THSD7B: variants seen among roughly 807,000 people sequenced by gnomAD.
THSD7B encodes thrombospondin type-1 domain-containing protein 7B.
THSD7B carries 138 observed loss-of-function variants against 213.6 expected under a neutral mutation model. The ratio of observed to expected loss-of-function variants is 0.65; its 90% CI spans 0.56 to 0.74. THSD7B has a LOEUF of 0.74. THSD7B is among the 30% of genes least tolerant of loss of function. The probability of loss-of-function intolerance (pLI) is 0.00; values close to 1 mark genes in which losing one functional copy is unlikely to be tolerated. For synonymous variants in THSD7B, 742 were observed against 687.0 expected (o/e 1.08, Z -1.25); for missense variants, 1,931 against 1,991.5 (o/e 0.97, Z 0.58).
At chr2:136,786,999 T>G (rs1308160864) in intron 1 of THSD7B, among the ~76,000 whole-genome samples, 1 of 152,156 alleles carries the variant, frequency 6.6e-6, no homozygotes, top group African/African-American at 2.4e-5. Context: ...GAGTGAGGCA[T>G]ATGTTGGTGG....
intron 12 of THSD7B, among the ~76,000 whole-genome samples, chr2:137,358,768 C>G (rs1018140823): frequency 6.6e-6 from 1 of 152,148 alleles, no homozygotes; most frequent in African/African-American, 2.4e-5. Context: ...CACAGTATCT[C>G]ACATTTAGAA....
chr2:136,824,142 GT>G (rs1682605743), intron 1 of THSD7B, among the ~76,000 whole-genome samples: 2 of 152,128 alleles, frequency 1.3e-5, no homozygotes, highest in African/African-American at 4.8e-5. Context: ...AGTACATAGT[GT>G]AGCCAAGATT....
chr2:136,921,730 A>G (rs1684441885), intron 2 of THSD7B, among the ~76,000 whole-genome samples: 1 of 152,260 alleles, frequency 6.6e-6, no homozygotes, highest in South Asian at 2.1e-4. Context: ...GGTAGAATTC[A>G]TAAAGGCCCT....
rs189563269 is a variant in THSD7B, at chr2:137,117,503, T to C, written c.1369+2210T>C. Among the ~76,000 whole-genome samples, 9 of 152,308 alleles carry C rather than the reference T, an allele frequency of 5.9e-5. 1 individual carries two copies. The East Asian group carries it at 1.7e-3, about 29-fold the overall frequency. ...GTTGTTATGTTAGATATTCATACTT[T>C]GGAGGGAGAAAGCATTTTAGTAGTA... On this transcript the variant is annotated intron_variant, in intron 5 of 27. Transcript: ENST00000409968.
chr2:137,361,991 A>G (rs898839830), intron 12 of THSD7B, among the ~76,000 whole-genome samples: 13 of 152,138 alleles, frequency 8.5e-5, no homozygotes, highest in African/African-American at 2.4e-5. Context: ...GACAAAGGTC[A>G]GGTTACCCAC....
At chr2:137,664,485 T>C (rs1683410824) in intron 26 of THSD7B, among the ~76,000 whole-genome samples, 1 of 152,158 alleles carries the variant, frequency 6.6e-6, no homozygotes, top group Non-Finnish European at 1.5e-5. Context: ...ATTAGGCCTG[T>C]AGGGCTCAGT....
intron 7 of THSD7B, among the ~76,000 whole-genome samples, chr2:137,219,160 A>T (rs149871234): frequency 6.6e-6 from 1 of 152,236 alleles, no homozygotes; most frequent in African/African-American, 2.4e-5. Flanking sequence ...AAAACTAGTC[A>T]TTAGACCCCT....
chr2:137,309,752 G>A (rs942552028), intron 12 of THSD7B, among the ~76,000 whole-genome samples: 18 of 151,910 alleles, frequency 1.2e-4, no homozygotes, highest in East Asian at 9.7e-4. Context: ...GAGAATGTGC[G>A]GTGTTTGGTT....
intron 3 of THSD7B, among the ~76,000 whole-genome samples, chr2:137,083,565 T>G (rs1427598617): frequency 6.6e-6 from 1 of 152,120 alleles, no homozygotes; most frequent in African/African-American, 2.4e-5. Context: ...TATGTTTCTA[T>G]TAGTTTGCCT....
intron 21 of THSD7B, among the ~76,000 whole-genome samples, chr2:137,649,072 T>A (rs1380131941): frequency 1.3e-5 from 2 of 152,244 alleles, no homozygotes; most frequent in African/African-American, 4.8e-5. Context: ...TGTCTTCTTT[T>A]GAGAAATGTC....
At chr2:137,131,749 T>TGGTAC (rs1411613123) in intron 5 of THSD7B, among the ~76,000 whole-genome samples, 5 of 152,220 alleles carry the variant, frequency 3.3e-5, no homozygotes, top group African/African-American at 1.2e-4. Flanking sequence ...ATCTCTGTTT[T>TGGTAC]GGTACCAGTA....
intron 12 of THSD7B, among the ~76,000 whole-genome samples, chr2:137,391,545 G>T (rs148071501): frequency 1.3e-5 from 2 of 151,904 alleles, no homozygotes; most frequent in African/African-American, 2.4e-5. Context: ...AAAATTAGCC[G>T]GGCATGGTAG....
intron 7 of THSD7B, among the ~76,000 whole-genome samples, chr2:137,208,797 G>C (rs1681040173): frequency 6.6e-6 from 1 of 151,960 alleles, no homozygotes; most frequent in Non-Finnish European, 1.5e-5. Context: ...CATGGGGCTG[G>C]GTAGAGTCAG....
intron 20 of THSD7B, among the ~76,000 whole-genome samples, chr2:137,626,949 C>T (rs370696828): frequency 3.3e-4 from 50 of 152,262 alleles, no homozygotes; most frequent in African/African-American, 1.1e-3. Flanking sequence ...AACAGAATAC[C>T]TAAGACTGTG....
intron 3 of THSD7B, among the ~76,000 whole-genome samples, chr2:137,071,182 G>A (rs2104891673): frequency 6.6e-6 from 1 of 152,320 alleles, no homozygotes; most frequent in South Asian, 2.1e-4. Context: ...CCCAGCAACA[G>A]TGTAAAAGTA....
intron 2 of THSD7B, among the ~76,000 whole-genome samples, chr2:137,054,651 A>G (rs1687126701): frequency 6.6e-6 from 1 of 152,176 alleles, no homozygotes; most frequent in East Asian, 1.9e-4. Context: ...AGCTGGTCAG[A>G]TTCAGGGAAA....
At chr2:137,008,536 A>C (rs536197570) in intron 2 of THSD7B, among the ~76,000 whole-genome samples, 7 of 152,280 alleles carry the variant, frequency 4.6e-5, no homozygotes, top group African/African-American at 1.7e-4. Flanking sequence ...AACCAGGTAG[A>C]AGTAAGCTCT....
chr2:137,362,113 A>G (rs1309386760), intron 12 of THSD7B, among the ~76,000 whole-genome samples: 2 of 152,198 alleles, frequency 1.3e-5, no homozygotes, highest in African/African-American at 2.4e-5. Context: ...TCAACCCAGA[A>G]TTTCATATCC....
At chr2:137,270,548 C>G (rs1682708205) in intron 10 of THSD7B, among the ~76,000 whole-genome samples, 1 of 152,102 alleles carries the variant, frequency 6.6e-6, no homozygotes, top group Non-Finnish European at 1.5e-5. Context: ...TAGTGGATGA[C>G]AGAACATTAA....
Sources: allele counts gnomAD v4.1 joint callset (sites outside exome capture counted in the v4.1 genomes callset), GRCh38; gene constraint gnomAD v4.1.1; transcripts MANE v1.5; gene names NCBI Gene and HGNC (gene_info 2026-07-23, HGNC 2026-07-21).